MAD1L1: variants seen among roughly 807,000 people sequenced by gnomAD.
MAD1L1 encodes mitotic arrest deficient 1 like 1.
Under a neutral mutation model 96.9 loss-of-function variants are expected in MAD1L1, and 95 were observed. The ratio of observed to expected loss-of-function variants is 0.98; its 90% confidence interval spans 0.83 to 1.16. The LOEUF is 1.16. Ranked by LOEUF, MAD1L1 falls within the 50% of genes most tolerant of loss-of-function variation. The pLI is 0.00. For synonymous variants in MAD1L1, 473 were observed against 396.6 expected (o/e 1.19, Z -2.29); for missense variants, 1,007 against 954.4 (o/e 1.06, Z -0.73).
intron 18 of MAD1L1, among the ~76,000 whole-genome samples, chr7:1,851,725 C>G (rs151021907): frequency 8.5e-5 from 13 of 152,290 alleles, no homozygotes; most frequent in African/African-American, 3.1e-4. Flanking sequence ...GCGACCTCTG[C>G]TTTCTCAGGA....
At chr7:1,829,838 G>C (rs1782618778) in intron 18 of MAD1L1, among the ~76,000 whole-genome samples, 1 of 151,978 alleles carries the variant, frequency 6.6e-6, no homozygotes, top group African/African-American at 2.4e-5. Flanking sequence ...AGGAAGAAAT[G>C]ACAACTGACC....
At chr7:2,173,660 G>C (rs537679558) in intron 10 of MAD1L1, among the ~76,000 whole-genome samples, 9 of 152,228 alleles carry the variant, frequency 5.9e-5, no homozygotes, top group African/African-American at 2.2e-4. Flanking sequence ...CCATCTGCCC[G>C]GGCACAGGCA....
chr7:1,977,608 G>A (rs1408581370), intron 15 of MAD1L1, among the ~76,000 whole-genome samples: 2 of 152,290 alleles, frequency 1.3e-5, no homozygotes. Context: ...AAATGGTGGG[G>A]ACGAGAAGCT....
intron 10 of MAD1L1, among the ~76,000 whole-genome samples, chr7:2,189,394 T>G (rs1291781697): frequency 6.6e-6 from 1 of 152,242 alleles, no homozygotes; most frequent in Non-Finnish European, 1.5e-5. Flanking sequence ...GCAACCTAAG[T>G]GTCCATCAAC....
intron 15 of MAD1L1, among the ~76,000 whole-genome samples, chr7:1,976,139 A>G (rs1052402331): frequency 5.3e-5 from 8 of 152,332 alleles, no homozygotes; most frequent in African/African-American, 1.7e-4. Context: ...GTGAGTGTGC[A>G]TCTGGGCAAG....
At chr7:1,931,434 G>A (rs2128461185) in intron 17 of MAD1L1, among the ~76,000 whole-genome samples, 1 of 152,342 alleles carries the variant, frequency 6.6e-6, no homozygotes, top group East Asian at 1.9e-4. Flanking sequence ...AAGAGCCCAG[G>A]AATTCTGTGG....
chr7:2,209,733 C>T (rs867845084), intron 10 of MAD1L1, among the ~76,000 whole-genome samples: 24 of 152,312 alleles, frequency 1.6e-4, no homozygotes, highest in East Asian at 7.7e-4. Context: ...AGCCTGGGCC[C>T]GAAGGCAAGC....
intron 6 of MAD1L1, 97 bp from the exon 7 acceptor site, chr7:2,218,140 C>T (rs1214260117): frequency 1.7e-5 from 15 of 885,272 alleles, no homozygotes; most frequent in Admixed American, 1.3e-4. Flanking sequence ...GACCCACATA[C>T]GTTCATTCCC....
chr7:1,947,712 G>T (rs1020224053), intron 16 of MAD1L1, among the ~76,000 whole-genome samples: 1 of 152,148 alleles, frequency 6.6e-6, no homozygotes, highest in Non-Finnish European at 1.5e-5. Flanking sequence ...TGCCGCACAC[G>T]GCTGGGTTGT....
chr7:1,866,955 G>C (rs1784806323), intron 18 of MAD1L1, among the ~76,000 whole-genome samples: 2 of 152,196 alleles, frequency 1.3e-5, no homozygotes. Context: ...AGTAGGGATG[G>C]GGAGGTGCAG....
At chr7:1,888,210 G>C (rs939246116) in intron 18 of MAD1L1, among the ~76,000 whole-genome samples, 1 of 151,210 alleles carries the variant, frequency 6.6e-6, no homozygotes, top group Non-Finnish European at 1.5e-5. Context: ...GGCTGCCTGT[G>C]CATGTGTGTG....
At chr7:2,052,811 C>T (rs193103774) in intron 12 of MAD1L1, among the ~76,000 whole-genome samples, 1 of 152,130 alleles carries the variant, frequency 6.6e-6, no homozygotes, top group Non-Finnish European at 1.5e-5. Context: ...CCGGAACAGA[C>T]AGAGGAACCG....
intron 10 of MAD1L1, among the ~76,000 whole-genome samples, chr7:2,168,962 G>A (rs1475731463): frequency 6.6e-6 from 1 of 152,256 alleles, no homozygotes; most frequent in Non-Finnish European, 1.5e-5. Flanking sequence ...ACTTGCTGAT[G>A]GGCTCTTACG....
intron 16 of MAD1L1, among the ~76,000 whole-genome samples, chr7:1,949,036 G>A (rs1779362025): frequency 6.6e-6 from 1 of 152,212 alleles, no homozygotes; most frequent in Non-Finnish European, 1.5e-5. Flanking sequence ...AGGACGCCAT[G>A]TGGGGCTTCC....
intron 10 of MAD1L1, among the ~76,000 whole-genome samples, chr7:2,175,657 A>G (rs982894983): frequency 6.6e-6 from 1 of 152,156 alleles, no homozygotes; most frequent in African/African-American, 2.4e-5. Flanking sequence ...CCAGTAAGCC[A>G]CATTCCTCAG....
chr7:2,002,375 G>A (rs1391883782), intron 13 of MAD1L1, among the ~76,000 whole-genome samples: 2 of 152,184 alleles, frequency 1.3e-5, no homozygotes, highest in Admixed American at 6.5e-5. Flanking sequence ...ACAGAACCAA[G>A]GTCCATTCCT....
At chr7:2,129,784 G>A (rs548183275) in intron 11 of MAD1L1, among the ~76,000 whole-genome samples, 7 of 152,290 alleles carry the variant, frequency 4.6e-5, no homozygotes, top group South Asian at 2.1e-4. Context: ...CCCCAGGCTC[G>A]AGCCAACGGC....
chr7:2,056,783 C>T (rs1241346491), intron 12 of MAD1L1, among the ~76,000 whole-genome samples: 2 of 152,238 alleles, frequency 1.3e-5, no homozygotes, highest in African/African-American at 4.8e-5. Context: ...GAAACCTACA[C>T]AAGCGGCCGA....
At chr7:2,200,656 T>C (rs1042245583) in intron 10 of MAD1L1, 2 of 152,240 alleles carry the variant, frequency 1.3e-5, no homozygotes, top group African/African-American at 2.4e-5. Flanking sequence ...TGGCTTGTGA[T>C]GAAGTGATCA....
Sources: allele counts gnomAD v4.1 joint callset (sites outside exome capture counted in the v4.1 genomes callset), GRCh38; gene constraint gnomAD v4.1.1; transcripts MANE v1.5; gene names NCBI Gene and HGNC (gene_info 2026-07-23, HGNC 2026-07-21).